Variants in SPTB observed in about 807,000 individuals in gnomAD.
The protein encoded by SPTB is spectrin beta chain, erythrocytic.
Under a neutral mutation model 256.2 loss-of-function variants are expected in SPTB, and 45 were observed. The ratio of observed to expected loss-of-function variants is 0.18; its 90% CI spans 0.14 to 0.23. The LOEUF (loss-of-function observed/expected upper bound fraction) is 0.23, where lower values mean the gene tolerates loss of function less well. Ranked by LOEUF, SPTB falls within the 10% of genes least tolerant of loss-of-function variation. The pLI is 1.00. For missense variants in SPTB, 2,715 were observed against 3,040.4 expected (o/e 0.89, Z 2.52); for synonymous variants, 1,231 against 1,243.1 (o/e 0.99, Z 0.21).
At chr14:64,858,908 G>A (rs2083915188) in intron 1 of SPTB, among the ~76,000 whole-genome samples, 1 of 152,106 alleles carries the variant, frequency 6.6e-6, no homozygotes, top group East Asian at 1.9e-4. Flanking sequence ...TGTATTACTG[G>A]TTAGAGCAAA....
chr14:64,867,859 CAAAAAAAAA>C (rs35825614), intron 1 of SPTB, among the ~76,000 whole-genome samples: 11 of 124,092 alleles, frequency 8.9e-5, no homozygotes, highest in African/African-American at 3.9e-4. Context: ...GACTCTGTCT[CAAAAAAAAA>C]AAAAAAAAAA....
At position 64,779,723 on chromosome 14, in the gene SPTB, A is replaced by G; in HGVS notation, c.4473+2T>C. The G allele has an allele frequency of 6.2e-7, 1 of 1,614,122 alleles. No individual in the cohort carries two copies. Among genetic ancestry groups the G allele is most frequent in the Non-Finnish European group, 8.5e-7 (1 of 1,180,014 alleles). ...GGTAGGGAGAAGCTGTGGCCCACGC[A>G]CCGTCTCATCCTCTAAGTCCCGGCT... is the stretch of plus-strand genomic sequence containing the variant. On this transcript the variant is annotated splice_donor_variant, in intron 21 of 35. Transcript: ENST00000644917. LOFTEE classifies it high-confidence loss of function. The surrounding 1 kb of genome is among the most constrained non-coding windows in gnomAD (Gnocchi z 4.2).
At chr14:64,788,865 C>A (rs2082621350) in intron 15 of SPTB, among the ~76,000 whole-genome samples, 1 of 152,198 alleles carries the variant, frequency 6.6e-6, no homozygotes. Flanking sequence ...TGGTCCTGGG[C>A]CAGGTTTTTC....
Position 64,785,800 on chromosome 14 carries a change from C to T in SPTB, c.3713G>A (p.Gly1238Glu), listed in dbSNP as rs1184589084. 1 of 1,613,966 alleles carries T rather than the reference C, an allele frequency of 6.2e-7. No individual in the cohort carries two copies. The highest frequency in any genetic ancestry group is 8.5e-7 in the Non-Finnish European group (1 of 1,180,020). The change falls in exon 17 of 36, where the codon GGA becomes GAA. Residue 1238 changes from glycine to glutamate, a missense_variant. This residue lies in a region of SPTB where 2,239 missense variants were observed against 2,384.4 expected (regional missense o/e 0.94). Transcript: ENST00000644917. The surrounding 1 kb of genome is among the most constrained non-coding windows in gnomAD (Gnocchi z 4.4). ...CTTGATCTTGTCTGAGTATAGGTTTCCCTCAGCTACCAGCTTGTTTCCAGA... is the reference window on the plus strand; with the variant it reads ...CTTGATCTTGTCTGAGTATAGGTTTTCCTCAGCTACCAGCTTGTTTCCAGA... ...VDSGNKLVAEGNLYSDKIKEK... is the reference protein window; with the variant it reads ...VDSGNKLVAEENLYSDKIKEK...
chr14:64,804,146 A>G (rs980941935), intron 3 of SPTB, among the ~76,000 whole-genome samples: 1 of 152,158 alleles, frequency 6.6e-6, no homozygotes, highest in African/African-American at 2.4e-5. Flanking sequence ...GTTAAGAGTA[A>G]TTTTTAGCTT....
chr14:64,772,536 T>A lies in SPTB; in HGVS notation c.5553+44A>T. 1 of 1,597,148 alleles carries A rather than the reference T, an allele frequency of 6.3e-7. No individual in the cohort carries two copies. Among genetic ancestry groups the A allele is most frequent in the Non-Finnish European group, 8.5e-7 (1 of 1,179,132 alleles). Reference sequence around the variant, plus strand: ...CCAGGTGGGGACTGACACCCAGGGCTCCTGGAAATTGGTAGCAGGTGGGCG... The same window carrying A: ...CCAGGTGGGGACTGACACCCAGGGCACCTGGAAATTGGTAGCAGGTGGGCG... On this transcript the variant is annotated intron_variant, in intron 26 of 35. Transcript: ENST00000644917. This position sits in a 1 kb window ranked among gnomAD's most constrained non-coding sequence, Gnocchi z 5.4.
chr14:64,795,610 C>G lies in SPTB; in HGVS notation c.1371G>C (p.Val457=). 6.2e-7 allele frequency: 1 copy of G among 1,614,102 alleles called. No homozygotes were observed. Among genetic ancestry groups the G allele is most frequent in the Non-Finnish European group, 8.5e-7 (1 of 1,180,026 alleles). ...QDNFGYDLAA[V]EAAKKKHEAI... is the part of the protein sequence containing the mutation. ...CCTCATGCTTCTTCTTGGCGGCCTC[C>G]ACAGCTGCCAGGTCATACCCAAAGT... is the stretch of plus-strand genomic sequence containing the variant. The change falls in exon 12 of 36, where the codon GTG becomes GTC. Residue 457 remains valine (V), a synonymous_variant. Transcript: ENST00000644917. This position sits in a 1 kb window ranked among gnomAD's most constrained non-coding sequence, Gnocchi z 6.5.
intron 4 of SPTB, 137 bp downstream of exon 4, chr14:64,803,470 A>T: frequency 9.2e-7 from 1 of 1,086,546 alleles, no homozygotes; most frequent in Non-Finnish European, 1.4e-6. Context: ...TCCTACAAGC[A>T]CTGTCCCATG....
In SPTB at chr14:64,778,586, C is replaced by T. The variant is rs772651223; in HGVS notation, c.4563+571G>A. On this transcript the variant is annotated intron_variant, in intron 22 of 35. Transcript: ENST00000644917. This position sits in a 1 kb window ranked among gnomAD's most constrained non-coding sequence, Gnocchi z 5.2. ...TCCTGACCAGGGCCACAGGAGTTCC[C>T]AATCAGGGCTAAGCGAGTGCCAAAA... Among the ~76,000 whole-genome samples, 2 of 152,172 alleles carry T rather than the reference C, an allele frequency of 1.3e-5. No individual in the cohort carries two copies. Among genetic ancestry groups the T allele is most frequent in the Non-Finnish European group, 2.9e-5 (2 of 68,034 alleles).
chr14:64,788,962 A>G (rs997103354), intron 15 of SPTB, among the ~76,000 whole-genome samples: 1 of 152,328 alleles, frequency 6.6e-6, no homozygotes, highest in African/African-American at 2.4e-5. Flanking sequence ...GAAAAACCTT[A>G]GTTTTTTCCC....
intron 1 of SPTB, among the ~76,000 whole-genome samples, chr14:64,861,712 A>G (rs1387685519): frequency 6.6e-6 from 1 of 152,126 alleles, no homozygotes. Flanking sequence ...ATCTGCATTC[A>G]TTGTCTTCTG....
intron 1 of SPTB, among the ~76,000 whole-genome samples, chr14:64,834,924 C>A (rs1671612201): frequency 6.6e-6 from 1 of 152,180 alleles, no homozygotes; most frequent in Non-Finnish European, 1.5e-5. Flanking sequence ...AGAATGGTTT[C>A]CATCCATACA....
rs1371284043 is a variant in SPTB at position 64,806,956 on chromosome 14, T to A, written c.149-1866A>T. 6.6e-6 allele frequency among the ~76,000 whole-genome samples: 1 copy of A among 152,224 alleles called. No homozygotes were observed. The highest frequency in any genetic ancestry group is 1.9e-4 in the East Asian group (1 of 5,208). On this transcript the variant is annotated intron_variant, in intron 2 of 35. Coordinates refer to ENST00000644917, the MANE Select transcript of SPTB (RefSeq NM_001355436.2). This position sits in a 1 kb window ranked among gnomAD's most constrained non-coding sequence, Gnocchi z 4.1. Reference sequence around the variant, plus strand: ...CAAAGTTTCAGCGAGAAAACTCCCCTTACCCTTTTGTCAACAGCAAATTAA... The same window carrying A: ...CAAAGTTTCAGCGAGAAAACTCCCCATACCCTTTTGTCAACAGCAAATTAA...
rs1399629199 is a variant in SPTB, at chr14:64,795,529, C to G, written c.1452G>C (p.Leu484=). The G allele has an allele frequency of 6.2e-7, 1 of 1,614,184 alleles. No homozygotes were observed. The highest frequency in any genetic ancestry group is 8.5e-7 in the Non-Finnish European group (1 of 1,180,030). ...AGTTCTCTTTCTCCAGCTCCTGAGC[C>G]AGGTCCTCCAGGGCTCTCACCCGCT... is the stretch of plus-strand genomic sequence containing the variant. ...YEERVRALED[L]AQELEKENYH... Residue 484 remains leucine (L), a synonymous_variant, in exon 12 of 36, where the codon CTG becomes CTC. Coordinates refer to ENST00000644917, the MANE Select transcript of SPTB (RefSeq NM_001355436.2). The surrounding 1 kb of genome is among the most constrained non-coding windows in gnomAD (Gnocchi z 6.5).
At chr14:64,766,476 G>A (rs955824052) in intron 32 of SPTB, 23 of 1,430,038 alleles carry the variant, frequency 1.6e-5, no homozygotes, top group African/African-American at 8.6e-5. Flanking sequence ...AACTAATAAC[G>A]TCATGTCACT....
chr14:64,861,667 C>CCT (rs547626585), intron 1 of SPTB, among the ~76,000 whole-genome samples: 139 of 152,282 alleles, frequency 9.1e-4, no homozygotes, highest in Admixed American at 2.3e-3. Context: ...CTTCCCTTGA[C>CCT]CTCTCTCTCA....
Position 64,782,524 on chromosome 14 carries a change from G to A in SPTB, c.4032C>T (p.Pro1344=), listed in dbSNP as rs771436579. The A allele has an allele frequency of 1.9e-6, 3 of 1,613,876 alleles. No individual in the cohort carries two copies. Among genetic ancestry groups the A allele is most frequent in the Admixed American group, 3.3e-5 (2 of 59,988 alleles). Residue 1344 remains proline (P), a synonymous_variant, in exon 20 of 36, where the codon CCC becomes CCT. Transcript: ENST00000644917. ...AEGKQLMDEK[P]QFTALVSQKL... is the part of the protein sequence containing the mutation. ...TTTGGGACACCAGGGCTGTAAACTG[G>A]GGCTTCTCATCCATCAGCTGCTTTC...
At chr14:64,813,163 G>A (rs2083122821) in intron 2 of SPTB, among the ~76,000 whole-genome samples, 1 of 152,034 alleles carries the variant, frequency 6.6e-6, no homozygotes, top group Non-Finnish European at 1.5e-5. Context: ...TAAAATATTT[G>A]CAGTGGGCAT....
chr14:64,795,321 G>A lies in SPTB; in HGVS notation c.1644+16C>T, dbSNP rs759810209. On this transcript the variant is annotated intron_variant, in intron 12 of 35. Transcript: ENST00000644917. The surrounding 1 kb of genome is among the most constrained non-coding windows in gnomAD (Gnocchi z 6.5). ...GAGCACTGCAGGGCATGGCGGGGGC[G>A]GCCCCCAGGGCCCACCTTGATCTCA... The A allele has an allele frequency of 7.5e-6, 12 of 1,601,534 alleles. No individual in the cohort carries two copies. Among genetic ancestry groups the A allele is most frequent in the African/African-American group, 2.7e-5 (2 of 74,880 alleles).
Sources: gnomAD v4.1 joint callset for allele counts (sites outside exome capture counted in the v4.1 genomes callset) on GRCh38, gnomAD v4.1.1 for gene constraint, gnomAD v4.1.1 regional missense constraint, Gnocchi (gnomAD v3.1) non-coding constraint, MANE v1.5 for transcripts, NCBI Gene and HGNC (gene_info 2026-07-23, HGNC 2026-07-21) for gene names.